Variants in MAPK10 observed in about 807,000 individuals in gnomAD.
MAPK10 encodes mitogen-activated protein kinase 10.
Under a neutral mutation model 59.3 loss-of-function variants are expected in MAPK10, and 25 were observed. The observed-to-expected ratio is 0.42, with a 90% confidence interval of 0.31 to 0.59. MAPK10 has a LOEUF of 0.59. Among genes scored for constraint, MAPK10 ranks in the 20% least tolerant of loss-of-function variants. MAPK10 has a pLI of 0.15. For synonymous variants in MAPK10, 190 were observed against 200.5 expected, an observed-to-expected ratio of 0.95 and a Z score of 0.44; for missense variants, 351 against 568.9, an observed-to-expected ratio of 0.62 and a Z score of 3.90.
chr4:86,339,205 G>T (rs1264342330), intron 2 of MAPK10, among the ~76,000 whole-genome samples: 1 of 152,144 alleles, frequency 6.6e-6, no homozygotes, highest in South Asian at 2.1e-4. Context: ...ACTTCCTGGG[G>T]CCTCAGGCAG....
chr4:86,365,194 G>A (rs1344635365), intron 1 of MAPK10, among the ~76,000 whole-genome samples: 1 of 151,796 alleles, frequency 6.6e-6, no homozygotes, highest in Non-Finnish European at 1.5e-5. Flanking sequence ...CACTCTGGGA[G>A]GCCCAGGCAG....
At chr4:86,319,648 C>T (rs1315609516) in intron 2 of MAPK10, among the ~76,000 whole-genome samples, 1 of 152,180 alleles carries the variant, frequency 6.6e-6, no homozygotes, top group African/African-American at 2.4e-5. Flanking sequence ...AGGCACCATA[C>T]CTTTCTTCTT....
At chr4:86,446,583 T>G (rs1358077660) in intron 1 of MAPK10, among the ~76,000 whole-genome samples, 1 of 152,182 alleles carries the variant, frequency 6.6e-6, no homozygotes, top group Non-Finnish European at 1.5e-5. Context: ...CCTGAGCACA[T>G]GTGGATGGAA....
chr4:86,023,135 G>GC (rs1301477543), intron 13 of MAPK10, among the ~76,000 whole-genome samples: 1 of 152,010 alleles, frequency 6.6e-6, no homozygotes, highest in Non-Finnish European at 1.5e-5. Context: ...TGAGGCAGGG[G>GC]CCCACCTTCA....
intron 1 of MAPK10, among the ~76,000 whole-genome samples, chr4:86,558,976 G>A (rs144234379): frequency 2.6e-5 from 4 of 152,124 alleles, no homozygotes; most frequent in African/African-American, 7.2e-5. Context: ...GACTCATGAT[G>A]GCTTGTTCAG....
intron 3 of MAPK10, among the ~76,000 whole-genome samples, chr4:86,183,667 A>G (rs897877678): frequency 7.2e-5 from 11 of 152,224 alleles, no homozygotes; most frequent in Non-Finnish European, 8.8e-5. Flanking sequence ...TAATGGGATG[A>G]CTGGGTCAAA....
chr4:86,278,947 T>A (rs966390997), intron 2 of MAPK10, among the ~76,000 whole-genome samples: 3 of 152,198 alleles, frequency 2.0e-5, no homozygotes, highest in Non-Finnish European at 2.9e-5. Flanking sequence ...CTGGATCAAA[T>A]CTTGAAAGAG....
At position 86,533,307 on chromosome 4, in the gene MAPK10, A is replaced by G. The variant is rs150505020; in HGVS notation, c.-263+60603T>C. 4.9e-3 allele frequency among the ~76,000 whole-genome samples: 749 copies of G among 152,314 alleles called. 2 individuals are homozygous for G. Among genetic ancestry groups the G allele is most frequent in the African/African-American group, 0.017 (704 of 41,566 alleles). ...ACAGAGTTTCAGCATGGGATGAAGA[A>G]AAAGTTCTGGAGATGGATAGCAGTG... On this transcript the variant is annotated intron_variant, in intron 1 of 4. Coordinates refer to the MAPK10 transcript ENST00000502302.
chr4:86,299,385 G>C (rs567597024), intron 2 of MAPK10, among the ~76,000 whole-genome samples: 2 of 152,138 alleles, frequency 1.3e-5, no homozygotes, highest in Non-Finnish European at 2.9e-5. Context: ...CAGAGGTGGG[G>C]TCTTGAGGGC....
intron 9 of MAPK10, among the ~76,000 whole-genome samples, chr4:86,092,269 T>A (rs1486807518): frequency 2.6e-5 from 4 of 152,106 alleles, no homozygotes; most frequent in Non-Finnish European, 4.4e-5. Context: ...CCATTTTAAC[T>A]TTACTCACCA....
chr4:86,223,778 G>T (rs929287341), intron 2 of MAPK10, among the ~76,000 whole-genome samples: 2 of 152,088 alleles, frequency 1.3e-5, no homozygotes, highest in African/African-American at 2.4e-5. Context: ...ATACATAAAA[G>T]AATTCTCACT....
chr4:86,100,176 G>A (rs1179553171), intron 8 of MAPK10: 1 of 151,982 alleles, frequency 6.6e-6, no homozygotes, highest in Non-Finnish European at 1.5e-5. Flanking sequence ...AAATATTAAA[G>A]ATACACTGAA....
chr4:86,246,323 C>T (rs1167234942), intron 2 of MAPK10, among the ~76,000 whole-genome samples: 1 of 151,900 alleles, frequency 6.6e-6, no homozygotes, highest in Non-Finnish European at 1.5e-5. Context: ...CCCAGCTACT[C>T]GGGAGGCTGA....
chr4:86,516,272 T>C (rs1264562942), intron 1 of MAPK10, among the ~76,000 whole-genome samples: 3 of 152,224 alleles, frequency 2.0e-5, no homozygotes, highest in Non-Finnish European at 4.4e-5. Context: ...CCATGCTATT[T>C]TGGTGACTAT....
At chr4:86,175,517 G>C (rs1444518303) in intron 3 of MAPK10, among the ~76,000 whole-genome samples, 1 of 152,022 alleles carries the variant, frequency 6.6e-6, no homozygotes, top group Non-Finnish European at 1.5e-5. Context: ...ATTCCCTTTA[G>C]TGCTGCCATC....
At chr4:86,371,925 T>C (rs1312148309) in intron 1 of MAPK10, among the ~76,000 whole-genome samples, 2 of 152,020 alleles carry the variant, frequency 1.3e-5, no homozygotes, top group Non-Finnish European at 2.9e-5. Flanking sequence ...TCCCACACAA[T>C]AATAGTGGGA....
chr4:86,094,157 T>G (rs2053778240), intron 9 of MAPK10, among the ~76,000 whole-genome samples: 1 of 152,008 alleles, frequency 6.6e-6, no homozygotes, highest in African/African-American at 2.4e-5. Context: ...ACCACAAATT[T>G]TTGTTCATTT....
At chr4:86,200,297 A>C (rs536998220) in intron 2 of MAPK10, among the ~76,000 whole-genome samples, 1 of 152,138 alleles carries the variant, frequency 6.6e-6, no homozygotes, top group East Asian at 1.9e-4. Context: ...AACAGAGAAT[A>C]GTCTGAAAAC....
intron 2 of MAPK10, among the ~76,000 whole-genome samples, chr4:86,261,964 C>A (rs866961176): frequency 6.6e-5 from 10 of 152,234 alleles, no homozygotes; most frequent in African/African-American, 2.4e-4. Flanking sequence ...GTTCTTGTCC[C>A]ATATGCTTCT....
Sources: allele counts gnomAD v4.1 joint callset (sites outside exome capture counted in the v4.1 genomes callset), GRCh38; gene constraint gnomAD v4.1.1; transcripts MANE v1.5; gene names NCBI Gene and HGNC (gene_info 2026-07-23, HGNC 2026-07-21).